The following ADAM23 variants were observed in gnomAD, a reference collection of about 807,000 sequenced individuals.
ADAM23 encodes the protein disintegrin and metalloproteinase domain-containing protein 23.
In ADAM23, 33 loss-of-function variants were observed where a neutral mutation model predicts 120.1. The ratio of observed to expected loss-of-function variants is 0.27; its 90% CI spans 0.21 to 0.37. The LOEUF (loss-of-function observed/expected upper bound fraction) is 0.37, where lower values mean the gene tolerates loss of function less well. Among genes scored for constraint, ADAM23 ranks in the 10% least tolerant of loss-of-function variants. ADAM23 has a pLI of 1.00. For missense variants in ADAM23, 862 were observed against 1,058.2 expected (o/e 0.81, Z 2.57); for synonymous variants, 367 against 375.2 (o/e 0.98, Z 0.25).
chr2:206,447,176 G>A (rs1339101503), intron 2 of ADAM23, among the ~76,000 whole-genome samples: 1 of 152,090 alleles, frequency 6.6e-6, no homozygotes, highest in Non-Finnish European at 1.5e-5. Context: ...GGTGGGACGT[G>A]GTTTGACTGT....
chr2:206,560,002 G>C lies in ADAM23; in HGVS notation c.1053G>C (p.Glu351Asp). 6.2e-7 allele frequency: 1 copy of C among 1,614,128 alleles called. No individual in the cohort carries two copies. The highest frequency in any genetic ancestry group is 8.5e-7 in the Non-Finnish European group (1 of 1,180,004). ...CCAGGGTTGTCCTGGTGGCTGTAGA[G>C]ACCTGGACTGAGAAGGATCAGATTG... Reference protein sequence around the residue: ...LNTRVVLVAVETWTEKDQIDI... With the variant: ...LNTRVVLVAVDTWTEKDQIDI... Residue 351 changes from glutamate to aspartate, a missense_variant, in exon 11 of 26, where the codon GAG (glutamate) becomes GAC (aspartate). Physicochemically the swap from Glu to Asp is conservative, Grantham distance 45. This residue lies in a region of ADAM23 where 617 missense variants were observed against 813.5 expected (regional missense o/e 0.76). Coordinates refer to ENST00000264377, the MANE Select transcript of ADAM23 (RefSeq NM_003812.4).
chr2:206,611,484 T>G (rs1698826734), intron 25 of ADAM23, among the ~76,000 whole-genome samples: 1 of 152,252 alleles, frequency 6.6e-6, no homozygotes, highest in Non-Finnish European at 1.5e-5. Context: ...ATTATAGTAC[T>G]GCCATACTCT....
At position 206,472,619 on chromosome 2, in the gene ADAM23, A is replaced by C. The variant is rs570406161; in HGVS notation, c.433-8613A>C. On this transcript the variant is annotated intron_variant, in intron 2 of 25. Transcript: ENST00000264377. ...AAGCGAGACTCCATCTCAGGGGAAA[A>C]AAAAAAAAAGAGTACCTCAAACTGA... Among the ~76,000 whole-genome samples the C allele has an allele frequency of 2.6e-5, 4 of 151,230 alleles. No homozygotes were observed. The South Asian group carries it at 8.4e-4, about 32-fold the overall frequency.
intron 18 of ADAM23, among the ~76,000 whole-genome samples, chr2:206,575,392 T>G (rs1698091985): frequency 6.6e-6 from 1 of 152,146 alleles, no homozygotes; most frequent in Non-Finnish European, 1.5e-5. Context: ...TGTATGAGAG[T>G]CTGTCATGTG....
chr2:206,517,754 A>G (rs1164286968), intron 3 of ADAM23, among the ~76,000 whole-genome samples: 1 of 152,022 alleles, frequency 6.6e-6, no homozygotes, highest in African/African-American at 2.4e-5. Flanking sequence ...TTCATTTAGG[A>G]CTTTTCTCAT....
chr2:206,489,359 G>A (rs887712131), intron 3 of ADAM23, among the ~76,000 whole-genome samples: 5 of 152,178 alleles, frequency 3.3e-5, no homozygotes, highest in Admixed American at 1.3e-4. Context: ...ATCAGGGAAG[G>A]CACTGGCCTT....
At chr2:206,506,378 A>G (rs1696497494) in intron 3 of ADAM23, among the ~76,000 whole-genome samples, 1 of 152,236 alleles carries the variant, frequency 6.6e-6, no homozygotes. Flanking sequence ...AAAGCAGAAT[A>G]GGGATGCAAA....
chr2:206,602,923 G>C (rs897746461), intron 24 of ADAM23, among the ~76,000 whole-genome samples: 1 of 152,108 alleles, frequency 6.6e-6, no homozygotes, highest in Non-Finnish European at 1.5e-5. Flanking sequence ...CATTCTGCTA[G>C]GTAATAAACA....
intron 21 of ADAM23, among the ~76,000 whole-genome samples, chr2:206,592,046 T>TTTA (rs1490458808): frequency 6.6e-6 from 1 of 152,208 alleles, no homozygotes; most frequent in Admixed American, 6.5e-5. Flanking sequence ...GGTGCATGAA[T>TTTA]TTAACAAGGT....
chr2:206,501,375 C>T lies in ADAM23; in HGVS notation c.509+20067C>T, dbSNP rs865791087. ...TCATGTCATTCTGTAACGTTTTATCCCCTGGTTTCAATTTTTGCACTTAAA... is the reference window on the plus strand; with the variant it reads ...TCATGTCATTCTGTAACGTTTTATCTCCTGGTTTCAATTTTTGCACTTAAA... On this transcript the variant is annotated intron_variant, in intron 3 of 25. Transcript: ENST00000264377. Among the ~76,000 whole-genome samples the T allele has an allele frequency of 2.2e-4, 34 of 151,748 alleles. No individual in the cohort carries two copies. In the South Asian group the frequency reaches 3.1e-3, roughly 14 times the overall value.
chr2:206,601,106 A>G (rs6435342), intron 24 of ADAM23, among the ~76,000 whole-genome samples: 74,891 of 152,068 alleles, frequency 0.49, 18,963 homozygotes, highest in East Asian at 0.56. Context: ...AAGTACCCCA[A>G]TTATTGTCTG....
intron 3 of ADAM23, among the ~76,000 whole-genome samples, chr2:206,481,774 T>C (rs1174147000): frequency 6.6e-6 from 1 of 152,216 alleles, no homozygotes; most frequent in African/African-American, 2.4e-5. Context: ...TGCTCTAATA[T>C]GGTTTCTTAG....
At chr2:206,499,599 C>A (rs1323129890) in intron 3 of ADAM23, among the ~76,000 whole-genome samples, 1 of 151,806 alleles carries the variant, frequency 6.6e-6, no homozygotes, top group African/African-American at 2.4e-5. Flanking sequence ...TGTAACAAAC[C>A]TGCACGTTGT....
chr2:206,587,329 C>T lies in ADAM23; in HGVS notation c.1742C>T (p.Pro581Leu). 6.2e-7 allele frequency: 1 copy of T among 1,606,256 alleles called. No individual in the cohort carries two copies. Among genetic ancestry groups the T allele is most frequent in the Non-Finnish European group, 8.5e-7 (1 of 1,175,564 alleles). The change falls in exon 19 of 26, where the codon CCA (proline) becomes CTA (leucine). Residue 581 changes from proline (P) to leucine (L), a missense_variant. Coordinates refer to ENST00000264377, the MANE Select transcript of ADAM23 (RefSeq NM_003812.4). ...EYCTGDSGQC[P>L]PNLHKQDGYA... ...TAAAAAGATAATATTTTGCAGTGCC[C>T]ACCAAATCTTCATAAGCAAGACGGA...
chr2:206,511,860 A>G (rs1696630541), intron 3 of ADAM23, among the ~76,000 whole-genome samples: 1 of 152,196 alleles, frequency 6.6e-6, no homozygotes, highest in Admixed American at 6.5e-5. Flanking sequence ...AATCCAAATA[A>G]GGAAAAATTA....
chr2:206,573,009 TGTTA>T (rs368291092), intron 17 of ADAM23, 102 bp from the exon 18 acceptor site: 176 of 1,088,964 alleles, frequency 1.6e-4, no homozygotes, highest in Admixed American at 1.2e-3. Context: ...AAGAGTTTGG[TGTTA>T]GTTATGCGAG....
At chr2:206,501,963 T>A (rs1696396476) in intron 3 of ADAM23, among the ~76,000 whole-genome samples, 1 of 152,202 alleles carries the variant, frequency 6.6e-6, no homozygotes, top group South Asian at 2.1e-4. Context: ...GTTTTTAGTA[T>A]CTTCTTTACA....
Position 206,565,101 on chromosome 2 carries a change from G to T in ADAM23, c.1394+33G>T, listed in dbSNP as rs772062123. 30 of 1,609,768 alleles carry T rather than the reference G, an allele frequency of 1.9e-5. No homozygotes were observed. The South Asian group carries it at 3.1e-4, about 17-fold the overall frequency. On this transcript the variant is annotated intron_variant, in intron 14 of 25. Transcript: ENST00000264377. Reference sequence around the variant, plus strand: ...TTCATTATGCGTGCATTTGATATATGCCTTTTGCTAAAATTGCTGTGTAGA... The same window carrying T: ...TTCATTATGCGTGCATTTGATATATTCCTTTTGCTAAAATTGCTGTGTAGA...
chr2:206,473,572 A>AAATAATAATATAATAATAAT (rs1553547999), intron 2 of ADAM23, among the ~76,000 whole-genome samples: 1 of 147,168 alleles, frequency 6.8e-6, no homozygotes, highest in African/African-American at 2.5e-5. Context: ...CCCATCTCTA[A>AAATAATAATATAATAATAAT]AATAATAATA....
Sources: allele counts gnomAD v4.1 joint callset (sites outside exome capture counted in the v4.1 genomes callset), GRCh38; gene constraint gnomAD v4.1.1; regional missense constraint gnomAD v4.1.1; transcripts MANE v1.5; gene names NCBI Gene and HGNC (gene_info 2026-07-23, HGNC 2026-07-21).